Variants in KDM2B observed in about 807,000 individuals in gnomAD.
The protein encoded by KDM2B is lysine-specific demethylase 2B.
Under a neutral mutation model 150.0 loss-of-function variants are expected in KDM2B, and 26 were observed. That is an observed-to-expected ratio of 0.17 (90% confidence interval 0.13 to 0.24). The LOEUF (loss-of-function observed/expected upper bound fraction) is 0.24, where lower values mean the gene tolerates loss of function less well. Ranked by LOEUF, KDM2B falls within the 10% of genes least tolerant of loss-of-function variation. KDM2B has a pLI of 1.00. For missense variants in KDM2B, 1,265 were observed against 1,816.9 expected (o/e 0.70, Z 5.52); for synonymous variants, 734 against 729.5 (o/e 1.01, Z -0.10).
At chr12:121,478,834 C>T (rs888405405) in intron 12 of KDM2B, among the ~76,000 whole-genome samples, 12 of 129,336 alleles carry the variant, frequency 9.3e-5, no homozygotes, top group African/African-American at 3.0e-4. Flanking sequence ...ACTACAGGCA[C>T]GTACCACCAC....
the KDM2B span, chr12:121,423,455 T>A: frequency 6.2e-7 from 1 of 1,613,742 alleles, no homozygotes; most frequent in East Asian, 2.2e-5. This position sits in a 1 kb window ranked among gnomAD's most constrained non-coding sequence, Gnocchi z 4.3. Context: ...GATGCCGTCA[T>A]CGACTGTGTC....
At chr12:121,417,159 G>A in the KDM2B span, among the ~76,000 whole-genome samples, 18 of 152,194 alleles carry the variant, frequency 1.2e-4, no homozygotes, top group African/African-American at 4.3e-4. This position sits in a 1 kb window ranked among gnomAD's most constrained non-coding sequence, Gnocchi z 5.0. Context: ...TGTTCATGTA[G>A]GAAAAGACCA....
chr12:121,529,569 G>A (rs1162294882), intron 8 of KDM2B, among the ~76,000 whole-genome samples: 4 of 152,102 alleles, frequency 2.6e-5, no homozygotes, highest in African/African-American at 9.7e-5. Flanking sequence ...TCTCAGATGT[G>A]TGTCTGTACG....
rs927714898 is a variant in KDM2B, at chr12:121,494,636, G to A, written c.1677C>T (p.Asp559=). ...KNVLKEHADD[D]PSLAITGVPV... ...GGACCCCAGTGATGGCCAGACTAGG[G>A]TCATCATCTGCGTGCTCCTTCAGGA... The change falls in exon 12 of 23, where the codon GAC becomes GAT. Residue 559 remains aspartate (D), a synonymous_variant. Transcript: ENST00000377071. The A allele has an allele frequency of 8.1e-6, 13 of 1,613,264 alleles. No homozygotes were observed. Among genetic ancestry groups the A allele is most frequent in the South Asian group, 1.1e-5 (1 of 90,846 alleles).
intron 11 of KDM2B, among the ~76,000 whole-genome samples, chr12:121,502,900 C>T (rs1414901140): frequency 6.6e-6 from 1 of 150,950 alleles, no homozygotes; most frequent in African/African-American, 2.4e-5. Context: ...TCTCCAGCCT[C>T]GGTGACAGAG....
chr12:121,560,815 C>T (rs1890286296), intron 4 of KDM2B, among the ~76,000 whole-genome samples: 1 of 152,232 alleles, frequency 6.6e-6, no homozygotes, highest in East Asian at 1.9e-4. Flanking sequence ...GGCAGGTAGC[C>T]TAAAGGGATG....
At chr12:121,556,852 T>TAAA (rs782133921) in intron 4 of KDM2B, among the ~76,000 whole-genome samples, 1 of 133,174 alleles carries the variant, frequency 7.5e-6, no homozygotes. Flanking sequence ...ACTCTGTCCT[T>TAAA]AAAAAAAAAA....
At position 121,513,472 on chromosome 12, in the gene KDM2B, G is replaced by A; in HGVS notation, c.1048-70C>T. Reference sequence around the variant, plus strand: ...CGAAGGGGGAAGGAGGGAGAGAAGTGCGGGGCAGGCTCCCTGCAGGTGAGG... The same window carrying A: ...CGAAGGGGGAAGGAGGGAGAGAAGTACGGGGCAGGCTCCCTGCAGGTGAGG... On this transcript the variant is annotated intron_variant, in intron 9 of 22. Coordinates refer to ENST00000377071, the MANE Select transcript of KDM2B (RefSeq NM_032590.5). The surrounding 1 kb of genome is among the most constrained non-coding windows in gnomAD (Gnocchi z 5.0). 6.4e-7 allele frequency: 1 copy of A among 1,550,796 alleles called. No individual in the cohort carries two copies. Among genetic ancestry groups the A allele is most frequent in the Non-Finnish European group, 8.9e-7 (1 of 1,128,744 alleles).
chr12:121,419,474 G>A, the KDM2B span, among the ~76,000 whole-genome samples: 6 of 152,208 alleles, frequency 3.9e-5, no homozygotes, highest in Non-Finnish European at 8.8e-5. Context: ...GCATATTTAT[G>A]CTGCAAACAT....
intron 13 of KDM2B, among the ~76,000 whole-genome samples, chr12:121,450,962 T>C (rs1225898394): frequency 6.6e-6 from 1 of 152,044 alleles, no homozygotes; most frequent in African/African-American, 2.4e-5. Context: ...CTCAAAAAGT[T>C]AAAAATAGAA....
At chr12:121,416,041 A>G in the KDM2B span, 7 of 740,332 alleles carry the variant, frequency 9.5e-6, no homozygotes, top group East Asian at 5.1e-5. Context: ...CCAGAGGAAT[A>G]TAGTAATCTC....
At chr12:121,485,678 G>A (rs1555298759) in intron 12 of KDM2B, among the ~76,000 whole-genome samples, 2 of 152,068 alleles carry the variant, frequency 1.3e-5, no homozygotes, top group African/African-American at 4.8e-5. Flanking sequence ...TCTGTTTGGG[G>A]TGATGAAAGG....
At chr12:121,519,022 G>A (rs1192815266) in intron 9 of KDM2B, among the ~76,000 whole-genome samples, 3 of 152,162 alleles carry the variant, frequency 2.0e-5, no homozygotes, top group Admixed American at 6.5e-5. Context: ...CCACAGAGAG[G>A]TGAGGGGAAA....
intron 1 of KDM2B, chr12:121,580,051 A>AT (rs782709098): frequency 4.0e-5 from 63 of 1,578,912 alleles, no homozygotes; most frequent in Admixed American, 1.0e-4. Context: ...CTCTGCCTCC[A>AT]TTTTTTTAGG....
chr12:121,474,429 T>C (rs1181791389), intron 12 of KDM2B, among the ~76,000 whole-genome samples: 2 of 151,902 alleles, frequency 1.3e-5, no homozygotes, highest in Non-Finnish European at 2.9e-5. Context: ...GGCACGAGAA[T>C]GGCGTGAACC....
downstream of KDM2B, among the ~76,000 whole-genome samples, chr12:121,428,264 C>T (rs1872611473): frequency 6.6e-6 from 1 of 152,062 alleles, no homozygotes; most frequent in East Asian, 1.9e-4. Context: ...GCAATCTCAG[C>T]TCACTGCAAC....
rs1475877799 is a variant in KDM2B, at chr12:121,518,456, C to G, written c.1047+2529G>C. Reference sequence around the variant, plus strand: ...CCAGTCTGCCCCCAAGCCCCCGCTGCCAGCCTGCTTCGGTGAAACCAGATG... The same window carrying G: ...CCAGTCTGCCCCCAAGCCCCCGCTGGCAGCCTGCTTCGGTGAAACCAGATG... On this transcript the variant is annotated intron_variant, in intron 9 of 22. Coordinates refer to ENST00000377071, the MANE Select transcript of KDM2B (RefSeq NM_032590.5). The surrounding 1 kb of genome is among the most constrained non-coding windows in gnomAD (Gnocchi z 4.4). Among the ~76,000 whole-genome samples, 2 of 152,214 alleles carry G rather than the reference C, an allele frequency of 1.3e-5. No individual in the cohort carries two copies. The highest frequency in any genetic ancestry group is 4.8e-5 in the African/African-American group (2 of 41,458).
intron 6 of KDM2B, among the ~76,000 whole-genome samples, chr12:121,545,439 T>A (rs1473199801): frequency 1.3e-5 from 2 of 151,802 alleles, no homozygotes; most frequent in African/African-American, 4.8e-5. Flanking sequence ...TTTTTGGTAA[T>A]TAGATAGGAT....
intron 12 of KDM2B, among the ~76,000 whole-genome samples, chr12:121,483,601 C>T (rs1882397086): frequency 6.7e-6 from 1 of 148,468 alleles, no homozygotes; most frequent in South Asian, 2.2e-4. Context: ...CCCTTGAGTC[C>T]GGGAGGTGTA....
Sources: allele counts gnomAD v4.1 joint callset (sites outside exome capture counted in the v4.1 genomes callset), GRCh38; gene constraint gnomAD v4.1.1; non-coding constraint Gnocchi (gnomAD v3.1); transcripts MANE v1.5; gene names NCBI Gene and HGNC (gene_info 2026-07-23, HGNC 2026-07-21).